The following POLN variants were observed in gnomAD, a reference collection of about 807,000 sequenced individuals.
POLN encodes the protein DNA polymerase N.
POLN carries 108 observed loss-of-function variants against 113.5 expected under a neutral mutation model. The observed-to-expected ratio is 0.95, with a 90% CI of 0.81 to 1.12. The LOEUF (loss-of-function observed/expected upper bound fraction) is 1.12, where lower values mean the gene tolerates loss of function less well. Among genes scored for constraint, POLN ranks in the 50% most tolerant of loss-of-function variants. The pLI is 0.00. For synonymous variants in POLN, 386 were observed against 391.5 expected (o/e 0.99, Z 0.17); for missense variants, 1,097 against 1,077.1 (o/e 1.02, Z -0.26).
intron 16 of POLN, among the ~76,000 whole-genome samples, chr4:2,147,643 C>CTTTTTTTTTTTTTTTTTTTTTT (rs747184067): frequency 1.3e-5 from 1 of 79,358 alleles, no homozygotes; most frequent in African/African-American, 4.1e-5. Flanking sequence ...TTTTTCTTTT[C>CTTTTTTTTTTTTTTTTTTTTTT]TTTTTTTTTT....
At chr4:2,132,678 A>G (rs1731754743) in intron 16 of POLN, among the ~76,000 whole-genome samples, 2 of 152,344 alleles carry the variant, frequency 1.3e-5, no homozygotes, top group Admixed American at 1.3e-4. Flanking sequence ...GCAGACCAGA[A>G]GACAATGGAG....
Position 2,186,114 on chromosome 4 carries a change from C to G in POLN, c.1022-6649G>C, listed in dbSNP as rs1477957077. Among the ~76,000 whole-genome samples the G allele has an allele frequency of 2.0e-5, 3 of 152,316 alleles. No individual in the cohort carries two copies. The South Asian group carries it at 6.2e-4, about 32-fold the overall frequency. ...GAGAATCAGACTTTATGTCCCTTCC[C>G]CAATCTGCCAGTCACCAAACATGTA... On this transcript the variant is annotated intron_variant, in intron 7 of 25. Transcript: ENST00000511885.
chr4:2,136,096 A>C lies in POLN; in HGVS notation c.1732-4806T>G, dbSNP rs544888609. Reference sequence around the variant, plus strand: ...GTCCCCTCGTGTTGACCACCCATGAACATTTCATCTCCCAGGTCCAACGAA... The same window carrying C: ...GTCCCCTCGTGTTGACCACCCATGACCATTTCATCTCCCAGGTCCAACGAA... On this transcript the variant is annotated intron_variant, in intron 16 of 25. Coordinates refer to ENST00000511885, the MANE Select transcript of POLN (RefSeq NM_181808.4). Among the ~76,000 whole-genome samples the C allele has an allele frequency of 2.6e-5, 4 of 152,316 alleles. No individual in the cohort carries two copies. In the East Asian group the frequency reaches 5.8e-4, roughly 22 times the overall value.
intron 3 of POLN, among the ~76,000 whole-genome samples, chr4:2,223,759 A>G (rs1293684938): frequency 6.6e-6 from 1 of 152,238 alleles, no homozygotes; most frequent in Admixed American, 6.5e-5. Flanking sequence ...GTATCTAAAC[A>G]TAGGTAAAAA....
At chr4:2,088,318 A>T (rs1003167160) in intron 20 of POLN, among the ~76,000 whole-genome samples, 1 of 152,214 alleles carries the variant, frequency 6.6e-6, no homozygotes, top group Non-Finnish European at 1.5e-5. Context: ...AATAATCTTC[A>T]CACTAAACTA....
chr4:2,206,985 C>T (rs1348330954), intron 5 of POLN, among the ~76,000 whole-genome samples: 6 of 152,124 alleles, frequency 3.9e-5, no homozygotes, highest in Non-Finnish European at 7.4e-5. Context: ...ATTGCAAAAA[C>T]GTGGAACCAA....
At chr4:2,204,322 C>G (rs1733791070) in intron 5 of POLN, among the ~76,000 whole-genome samples, 1 of 152,000 alleles carries the variant, frequency 6.6e-6, no homozygotes, top group African/African-American at 2.4e-5. Flanking sequence ...ACTTTACACA[C>G]ATAAACTCGA....
At position 2,079,457 on chromosome 4, in the gene POLN, GTGCATGGGTTGTA is replaced by G. The variant is rs1355238154; in HGVS notation, c.2387+1488_2387+1500del. ...CATCAGTGTATATGCGTATATGTGT[GTGCATGGGTTGTA>G]TGCATGGGTGAACACGTGTATGGGT... is the stretch of plus-strand genomic sequence containing the variant. On this transcript the variant is annotated intron_variant, in intron 23 of 25. Coordinates refer to ENST00000511885, the MANE Select transcript of POLN (RefSeq NM_181808.4). 5 of 985,474 alleles carry G rather than the reference GTGCATGGGTTGTA, an allele frequency of 5.1e-6. No homozygotes were observed. In the African/African-American group the frequency reaches 5.2e-5, roughly 10 times the overall value. The allele number at this position is 985,474 out of a possible 1,614,324, so 61.0% of individuals were successfully genotyped here. A position where few individuals can be genotyped will look rare whatever the true frequency, so the allele number is the denominator to read the frequency against.
rs1308988907 is a variant in POLN, at chr4:2,159,145, A to T, written c.1611+10T>A. ...CCTTTTACCTTTTACGTACAAAAAAATTAACTTACCTGCCTGTATTCCAAA... is the reference window on the plus strand; with the variant it reads ...CCTTTTACCTTTTACGTACAAAAAATTTAACTTACCTGCCTGTATTCCAAA... On this transcript the variant is annotated intron_variant, in intron 14 of 25. Transcript: ENST00000511885. 2 of 1,593,788 alleles carry T rather than the reference A, an allele frequency of 1.3e-6. No individual in the cohort carries two copies. Among genetic ancestry groups the T allele is most frequent in the Non-Finnish European group, 1.7e-6 (2 of 1,162,068 alleles).
intron 3 of POLN, among the ~76,000 whole-genome samples, chr4:2,218,439 G>A (rs1734166620): frequency 1.4e-5 from 2 of 146,644 alleles, no homozygotes; most frequent in African/African-American, 2.6e-5. Context: ...GGGTGAAACT[G>A]CCTTAAAAAA....
At chr4:2,190,412 G>A (rs1733410505) in intron 7 of POLN, among the ~76,000 whole-genome samples, 1 of 150,706 alleles carries the variant, frequency 6.6e-6, no homozygotes, top group South Asian at 2.1e-4. Flanking sequence ...TCTAAGACCT[G>A]AAACTATGAA....
intron 5 of POLN, among the ~76,000 whole-genome samples, chr4:2,201,184 C>T (rs1577766236): frequency 7.1e-6 from 1 of 139,992 alleles, no homozygotes; most frequent in African/African-American, 2.6e-5. Context: ...GGAGAATCGC[C>T]TGAACCCGGG....
At chr4:2,206,794 C>T (rs1733855702) in intron 5 of POLN, among the ~76,000 whole-genome samples, 1 of 152,182 alleles carries the variant, frequency 6.6e-6, no homozygotes, top group African/African-American at 2.4e-5. Context: ...TTCTATACTT[C>T]TGGTGGGAAT....
chr4:2,226,902 TA>T (rs1209950675), intron 3 of POLN, among the ~76,000 whole-genome samples: 1 of 152,210 alleles, frequency 6.6e-6, no homozygotes, highest in Non-Finnish European at 1.5e-5. Context: ...CAGAGTCAAT[TA>T]AAACTTTAGG....
At chr4:2,128,251 A>G (rs1731633972) in intron 18 of POLN, 24 bp from the exon 19 acceptor site, 4 of 1,490,974 alleles carry the variant, frequency 2.7e-6, no homozygotes, top group Non-Finnish European at 3.7e-6. Context: ...TTCTGCATTA[A>G]TTTAGAGTTT....
At position 2,176,321 on chromosome 4, in the gene POLN, C is replaced by T. The variant is rs879480416; in HGVS notation, c.1193G>A (p.Arg398His). ...TCTGTAGAGTGTCTTCAGGTTCTCA[C>T]GTACATTCTGATTCTTTAAAAGAGC... Reference protein sequence around the residue: ...SSRNIVNQNVRENLKTLYRLT... With the variant: ...SSRNIVNQNVHENLKTLYRLT... Residue 398 changes from arginine (R) to histidine (H), a missense_variant, in exon 9 of 26, where the codon CGT (arginine) becomes CAT (histidine). By Grantham distance (29) the Arg-to-His change is conservative. Coordinates refer to ENST00000511885, the MANE Select transcript of POLN (RefSeq NM_181808.4). 22 of 1,597,130 alleles carry T rather than the reference C, an allele frequency of 1.4e-5. No homozygotes were observed. The highest frequency in any genetic ancestry group is 2.3e-5 in the East Asian group (1 of 44,192).
intron 19 of POLN, among the ~76,000 whole-genome samples, chr4:2,105,854 G>T (rs935750868): frequency 3.3e-5 from 5 of 151,978 alleles, no homozygotes; most frequent in Non-Finnish European, 7.4e-5. Context: ...TGATGGTGAT[G>T]ATAAAATGGA....
At position 2,072,156 on chromosome 4, in the gene POLN, G is replaced by C. The variant is rs775063036; in HGVS notation, c.2661C>G (p.Thr887=). ...GCGAAAAATGCAGGGGTGGGGGCTG[G>C]GTGCTGGCAGGGGACCCAGGGGCAG... is the stretch of plus-strand genomic sequence containing the variant. ...SLAAPGSPAS[T]QPPPLHFSPS... is the part of the protein sequence containing the mutation. The change falls in exon 26 of 26, where the codon ACC becomes ACG. Residue 887 remains threonine (T), a synonymous_variant. Transcript: ENST00000511885. 4 of 1,612,394 alleles carry C rather than the reference G, an allele frequency of 2.5e-6. No individual in the cohort carries two copies. In the South Asian group the frequency reaches 4.4e-5, roughly 18 times the overall value.
Position 2,128,612 on chromosome 4 carries a change from C to T in POLN, c.1868-385G>A, listed in dbSNP as rs375123136. ...GCAAGGGCCTGGAGTGGAGCTGACT[C>T]TTAGCTGGGAGGAGTAGGGTCCGGC... On this transcript the variant is annotated intron_variant, in intron 18 of 25. Transcript: ENST00000511885. Among the ~76,000 whole-genome samples, 7 of 152,270 alleles carry T rather than the reference C, an allele frequency of 4.6e-5. No homozygotes were observed. In the East Asian group the frequency reaches 5.8e-4, roughly 13 times the overall value.
Sources: gnomAD v4.1 joint callset for allele counts (sites outside exome capture counted in the v4.1 genomes callset) on GRCh38, gnomAD v4.1.1 for gene constraint, MANE v1.5 for transcripts, NCBI Gene and HGNC (gene_info 2026-07-23, HGNC 2026-07-21) for gene names.